The following CADM2 variants were observed in gnomAD, a reference collection of about 807,000 sequenced individuals.
The protein encoded by CADM2 is cell adhesion molecule 2.
CADM2 carries 12 observed loss-of-function variants against 49.8 expected under a neutral mutation model. The observed-to-expected ratio is 0.24, with a 90% CI of 0.15 to 0.39. CADM2 has a LOEUF of 0.39. Among genes scored for constraint, CADM2 ranks in the 10% least tolerant of loss-of-function variants. CADM2 has a pLI of 1.00. For synonymous variants in CADM2, 214 were observed against 175.4 expected (o/e 1.22, Z -1.74); for missense variants, 378 against 492.3 (o/e 0.77, Z 2.20).
chr3:85,633,846 T>G (rs2107528975), intron 1 of CADM2, among the ~76,000 whole-genome samples: 1 of 152,166 alleles, frequency 6.6e-6, no homozygotes, highest in South Asian at 2.1e-4. Flanking sequence ...TTTTGTATAA[T>G]ATAACAAACA....
intron 3 of CADM2, among the ~76,000 whole-genome samples, chr3:85,878,891 G>T (rs1398989357): frequency 1.3e-5 from 2 of 152,016 alleles, no homozygotes; most frequent in East Asian, 3.9e-4. Context: ...TAGGGGAAAT[G>T]AAATTGAGCA....
At chr3:85,869,528 T>C (rs576839953) in intron 3 of CADM2, among the ~76,000 whole-genome samples, 3 of 152,160 alleles carry the variant, frequency 2.0e-5, no homozygotes, top group Non-Finnish European at 4.4e-5. Context: ...AGATCTCATA[T>C]GGGATTTCAA....
At chr3:86,054,624 A>G (rs1022642694) in intron 8 of CADM2, among the ~76,000 whole-genome samples, 1 of 152,068 alleles carries the variant, frequency 6.6e-6, no homozygotes, top group Non-Finnish European at 1.5e-5. Context: ...TTTATTCTTT[A>G]TTATACTAAG....
At chr3:85,637,325 G>C (rs1049664543) in intron 1 of CADM2, among the ~76,000 whole-genome samples, 1 of 151,812 alleles carries the variant, frequency 6.6e-6, no homozygotes, top group Admixed American at 6.6e-5. Flanking sequence ...ATTATTGGCC[G>C]GGCGCGGTGG....
At chr3:85,542,836 A>G (rs180697743) in intron 1 of CADM2, among the ~76,000 whole-genome samples, 329 of 152,326 alleles carry the variant, frequency 2.2e-3, no homozygotes, top group Non-Finnish European at 3.9e-3. Context: ...CCTAACGTCA[A>G]GAGTGGCAAA....
intron 1 of CADM2, among the ~76,000 whole-genome samples, chr3:85,636,821 A>AC (rs1313493586): frequency 6.6e-6 from 1 of 152,226 alleles, no homozygotes; most frequent in Non-Finnish European, 1.5e-5. Context: ...CATGCTGTAT[A>AC]AGTTTGTAGC....
At chr3:85,893,206 C>T (rs1033444212) in intron 5 of CADM2, among the ~76,000 whole-genome samples, 4 of 152,040 alleles carry the variant, frequency 2.6e-5, no homozygotes, top group African/African-American at 9.7e-5. Flanking sequence ...AATTTGCAGC[C>T]TACTGATGTA....
intron 3 of CADM2, among the ~76,000 whole-genome samples, chr3:85,807,848 C>A (rs965416339): frequency 9.9e-5 from 15 of 152,014 alleles, no homozygotes; most frequent in Non-Finnish European, 4.4e-5. Flanking sequence ...TGAGAAAACC[C>A]TTAGGCTATC....
chr3:85,698,327 A>G (rs2066634900), intron 1 of CADM2, among the ~76,000 whole-genome samples: 1 of 152,230 alleles, frequency 6.6e-6, no homozygotes, highest in South Asian at 2.1e-4. Flanking sequence ...GTGAAGTCTC[A>G]GGTTTTCAAG....
At chr3:85,274,395 A>G (rs1247830991) in intron 1 of CADM2, among the ~76,000 whole-genome samples, 1 of 151,498 alleles carries the variant, frequency 6.6e-6, no homozygotes, top group African/African-American at 2.4e-5. Flanking sequence ...TGCTACAGTG[A>G]TGTCTTAGAA....
chr3:86,068,876 A>T lies in CADM2; in HGVS notation c.*2093A>T, dbSNP rs1488328955. 6.6e-6 allele frequency: 1 copy of T among 152,386 alleles called. No individual in the cohort carries two copies. The highest frequency in any genetic ancestry group is 2.4e-5 in the African/African-American group (1 of 41,434). 9.4% of individuals were successfully genotyped at this position (152,386 alleles called of 1,614,324 possible). ...ACCATCTGTGGAAAAATGCAATAAT[A>T]TGTTAATATAGTATGGTAGTTTGAG... On this transcript the variant is annotated 3_prime_UTR_variant, in exon 10 of 10. Transcript: ENST00000383699.
intron 1 of CADM2, among the ~76,000 whole-genome samples, chr3:85,131,943 A>G (rs1436209972): frequency 6.6e-6 from 1 of 152,072 alleles, no homozygotes; most frequent in Non-Finnish European, 1.5e-5. Context: ...ATTGGAATAC[A>G]CTGCATATAG....
chr3:85,218,024 A>G (rs1421759597), intron 1 of CADM2, among the ~76,000 whole-genome samples: 7 of 152,096 alleles, frequency 4.6e-5, no homozygotes, highest in Non-Finnish European at 1.0e-4. Context: ...TTTAATTAAA[A>G]CAAAATGCTT....
chr3:85,288,024 C>G (rs1576285502), intron 1 of CADM2, among the ~76,000 whole-genome samples: 1 of 151,628 alleles, frequency 6.6e-6, no homozygotes, highest in Non-Finnish European at 1.5e-5. Context: ...TGCAGCACAC[C>G]AACATGGCAC....
intron 1 of CADM2, among the ~76,000 whole-genome samples, chr3:85,501,693 C>T (rs1021190518): frequency 6.6e-6 from 1 of 152,052 alleles, no homozygotes; most frequent in Admixed American, 6.6e-5. Flanking sequence ...GTCATTAAAA[C>T]ATTACATACA....
At chr3:85,409,267 G>A (rs1051286097) in intron 1 of CADM2, among the ~76,000 whole-genome samples, 1 of 151,642 alleles carries the variant, frequency 6.6e-6, no homozygotes, top group Non-Finnish European at 1.5e-5. Context: ...TGTGTAATTT[G>A]TGTATACACT....
At chr3:85,438,299 G>T (rs1030717) in intron 1 of CADM2, among the ~76,000 whole-genome samples, 1 of 151,322 alleles carries the variant, frequency 6.6e-6, no homozygotes, top group African/African-American at 2.4e-5. Flanking sequence ...ATACTGCAAA[G>T]AAAATCTTTA....
intron 1 of CADM2, among the ~76,000 whole-genome samples, chr3:85,008,246 T>C (rs992990913): frequency 1.3e-5 from 2 of 152,210 alleles, no homozygotes; most frequent in African/African-American, 4.8e-5. Flanking sequence ...TTCTATGACT[T>C]TTTGTATATA....
At chr3:85,875,000 C>T (rs1711610156) in intron 3 of CADM2, among the ~76,000 whole-genome samples, 1 of 152,058 alleles carries the variant, frequency 6.6e-6, no homozygotes, top group South Asian at 2.1e-4. Context: ...AACACAGTTT[C>T]CAGATGTATT....
Sources: allele counts gnomAD v4.1 joint callset (sites outside exome capture counted in the v4.1 genomes callset), GRCh38; gene constraint gnomAD v4.1.1; transcripts MANE v1.5; gene names NCBI Gene and HGNC (gene_info 2026-07-23, HGNC 2026-07-21).